STARD9: variants seen among roughly 807,000 people sequenced by gnomAD.
The protein encoded by STARD9 is stAR-related lipid transfer protein 9.
In STARD9, 346 loss-of-function variants were observed where a neutral mutation model predicts 399.8. That is an observed-to-expected ratio of 0.87 (90% confidence interval 0.79 to 0.95). The LOEUF is 0.95. Ranked by LOEUF, STARD9 falls within the 40% of genes least tolerant of loss-of-function variation. The probability of loss-of-function intolerance (pLI) is 0.00; values close to 1 mark genes in which losing one functional copy is unlikely to be tolerated. For synonymous variants in STARD9, 2,203 were observed against 2,143.5 expected, an observed-to-expected ratio of 1.03 and a Z score of -0.77; for missense variants, 5,832 against 5,667.5, an observed-to-expected ratio of 1.03 and a Z score of -0.93.
chr15:42,704,469 T>G (rs2061032976), intron 26 of STARD9, among the ~76,000 whole-genome samples: 2 of 152,202 alleles, frequency 1.3e-5, no homozygotes, highest in Admixed American at 6.5e-5. Flanking sequence ...TATATTCCAA[T>G]TTTTGCAATC....
chr15:42,642,151 A>G (rs943792676), intron 7 of STARD9, among the ~76,000 whole-genome samples: 3 of 152,228 alleles, frequency 2.0e-5, no homozygotes, highest in African/African-American at 7.2e-5. Context: ...GGTTTCTGGC[A>G]TGAAACCAAT....
chr15:42,682,824 C>A (rs78994161), intron 22 of STARD9, among the ~76,000 whole-genome samples: 2,227 of 152,254 alleles, frequency 0.015, 47 homozygotes, highest in South Asian at 0.086. Flanking sequence ...TTGGTAACAT[C>A]TTAGGAGTAA....
In STARD9 at chr15:42,692,747, G is replaced by C. The variant is rs537761325; in HGVS notation, c.11169G>C (p.Met3723Ile). 1.3e-6 allele frequency: 2 copies of C among 1,537,158 alleles called. No homozygotes were observed. Among genetic ancestry groups the C allele is most frequent in the South Asian group, 1.2e-5 (1 of 84,046 alleles). ...CAGATAAAGCCCCACAGGCCCTGAT[G>C]ATGGATGGCTCTACTCAGACCACTG... ...DIPDKAPQAL[M>I]MDGSTQTTVD... is the part of the protein sequence containing the mutation. Residue 3723 changes from methionine (M) to isoleucine (I), a missense_variant, in exon 23 of 33, where the codon ATG becomes ATC. By Grantham distance (10) the Met-to-Ile change is conservative. Around this residue, in one of 2 missense-constraint regions of STARD9, gnomAD observed 5,828 missense variants for 5,651.1 expected, o/e 1.03. Transcript: ENST00000290607.
chr15:42,582,412 T>C (rs1164502816), intron 1 of STARD9, among the ~76,000 whole-genome samples: 2 of 152,210 alleles, frequency 1.3e-5, no homozygotes, highest in African/African-American at 4.8e-5. Context: ...AAAGGATAGG[T>C]ATCAGGTATG....
At chr15:42,628,413 T>G (rs558299614) in intron 3 of STARD9, among the ~76,000 whole-genome samples, 1 of 152,236 alleles carries the variant, frequency 6.6e-6, no homozygotes, top group African/African-American at 2.4e-5. Flanking sequence ...TCCTTTGCTA[T>G]GCAGAAGCTT....
At position 42,690,703 on chromosome 15, in the gene STARD9, G is replaced by T; in HGVS notation, c.9125G>T (p.Cys3042Phe). The T allele has an allele frequency of 6.5e-7, 1 of 1,537,256 alleles. No homozygotes were observed. The highest frequency in any genetic ancestry group is 8.7e-7 in the Non-Finnish European group (1 of 1,146,906). ...TTTAGGCTAACAGAGAGCAGCACTT[G>T]TGAGCCTTCTACTGTGGCTGCTGTC... ...REFRLTESST[C>F]EPSTVAAVLS... The change falls in exon 23 of 33, where the codon TGT becomes TTT. Residue 3042 changes from cysteine to phenylalanine, a missense_variant. Transcript: ENST00000290607.
At position 42,661,155 on chromosome 15, in the gene STARD9, T is replaced by C; in HGVS notation, c.703-3T>C. 2.0e-6 allele frequency: 3 copies of C among 1,534,682 alleles called. No individual in the cohort carries two copies. The highest frequency in any genetic ancestry group is 1.4e-5 in the African/African-American group (1 of 73,112). The stretch of plus-strand genomic sequence containing the variant: ...GACAGGCTTTAAATGTTTTCTCCTC[T>C]AGGCAATCCTGGAGAACAACCTCCC... On this transcript the variant is annotated splice_polypyrimidine_tract_variant and splice_region_variant and intron_variant, in intron 9 of 32. Coordinates refer to ENST00000290607, the MANE Select transcript of STARD9 (RefSeq NM_020759.3).
intron 15 of STARD9, among the ~76,000 whole-genome samples, chr15:42,668,658 G>T (rs2060148733): frequency 6.6e-6 from 1 of 152,088 alleles, no homozygotes; most frequent in African/African-American, 2.4e-5. Context: ...AGTTCCACCT[G>T]GGGAGATTCC....
chr15:42,696,167 C>T (rs541214454), intron 26 of STARD9, among the ~76,000 whole-genome samples: 1 of 152,340 alleles, frequency 6.6e-6, no homozygotes, highest in Non-Finnish European at 1.5e-5. Flanking sequence ...AAATATTAAA[C>T]AACTGATTTT....
rs2060650867 is a variant in STARD9, at chr15:42,689,921, A to G, written c.8343A>G (p.Pro2781=). The change falls in exon 23 of 33, where the codon CCA becomes CCG. Residue 2781 remains proline, a synonymous_variant. Transcript: ENST00000290607. Reference sequence around the variant, plus strand: ...CCCCTGGCAGTCAGGACAGCAGCCCAGAGCATCAGGAACCCAGAACTCTAG... The same window carrying G: ...CCCCTGGCAGTCAGGACAGCAGCCCGGAGCATCAGGAACCCAGAACTCTAG... ...GIPPGSQDSS[P]EHQEPRTLDT... is the part of the protein sequence containing the mutation. The G allele has an allele frequency of 6.5e-7, 1 of 1,537,628 alleles. No homozygotes were observed. The highest frequency in any genetic ancestry group is 8.7e-7 in the Non-Finnish European group (1 of 1,147,038).
At chr15:42,699,233 A>G (rs1311109918) in intron 26 of STARD9, among the ~76,000 whole-genome samples, 1 of 152,030 alleles carries the variant, frequency 6.6e-6, no homozygotes, top group Non-Finnish European at 1.5e-5. Context: ...TATTAGCTAT[A>G]GTCACCCTAT....
At chr15:42,607,123 A>C (rs1302721120) in intron 3 of STARD9, among the ~76,000 whole-genome samples, 1 of 146,344 alleles carries the variant, frequency 6.8e-6, no homozygotes. Flanking sequence ...GGAGGAGTCT[A>C]AAGTCTGTGC....
chr15:42,642,459 T>A (rs942376402), intron 7 of STARD9, among the ~76,000 whole-genome samples: 25 of 152,260 alleles, frequency 1.6e-4, no homozygotes, highest in African/African-American at 6.0e-4. Context: ...GACAATATTG[T>A]ATTTTTACTG....
At position 42,604,626 on chromosome 15, in the gene STARD9, A is replaced by ATTT. The variant is rs11349330; in HGVS notation, c.234+19017_234+19019dup. Among the ~76,000 whole-genome samples, 58 of 54,750 alleles carry ATTT rather than the reference A, an allele frequency of 1.1e-3. 4 individuals are homozygous for ATTT. Among genetic ancestry groups the ATTT allele is most frequent in the African/African-American group, 2.0e-3 (35 of 17,210 alleles). 35.9% of individuals were successfully genotyped at this position (54,750 alleles called of 152,430 possible). A position where few individuals can be genotyped will look rare whatever the true frequency, so the allele number is the denominator to read the frequency against. ...GATTGCTTTATTCAGGATCAAATTG[A>ATTT]TTTTTTTTTTTTTTTTTTTTTTTTT... On this transcript the variant is annotated intron_variant, in intron 3 of 32. Coordinates refer to ENST00000290607, the MANE Select transcript of STARD9 (RefSeq NM_020759.3).
At chr15:42,617,267 A>G (rs549922654) in intron 3 of STARD9, among the ~76,000 whole-genome samples, 1 of 152,338 alleles carries the variant, frequency 6.6e-6, no homozygotes, top group Admixed American at 6.5e-5. Flanking sequence ...TTTGATTAAT[A>G]TAGGATTTCA....
chr15:42,604,942 C>A (rs945630125), intron 3 of STARD9, among the ~76,000 whole-genome samples: 1 of 152,100 alleles, frequency 6.6e-6, no homozygotes, highest in Admixed American at 6.6e-5. Context: ...CGCGCCTGAC[C>A]TGGATCGAAT....
chr15:42,616,564 C>G (rs1423712507), intron 3 of STARD9, among the ~76,000 whole-genome samples: 1 of 152,178 alleles, frequency 6.6e-6, no homozygotes, highest in Non-Finnish European at 1.5e-5. Context: ...GAAGTACCTA[C>G]TACTAGCTGT....
chr15:42,581,186 C>A (rs1595574012), intron 1 of STARD9: 2 of 769,660 alleles, frequency 2.6e-6, no homozygotes, highest in East Asian at 2.4e-5. Context: ...CATGATTGTT[C>A]AAGTTGTTCA....
At chr15:42,680,120 G>A (rs2060395587) in intron 20 of STARD9, among the ~76,000 whole-genome samples, 1 of 152,164 alleles carries the variant, frequency 6.6e-6, no homozygotes, top group Non-Finnish European at 1.5e-5. Context: ...TGCCCATACA[G>A]TTGGCTCCTT....
Sources: allele counts gnomAD v4.1 joint callset (sites outside exome capture counted in the v4.1 genomes callset), GRCh38; gene constraint gnomAD v4.1.1; regional missense constraint gnomAD v4.1.1; transcripts MANE v1.5; gene names NCBI Gene and HGNC (gene_info 2026-07-23, HGNC 2026-07-21).